Variants in TRHDE observed in about 807,000 individuals in gnomAD.
TRHDE encodes thyrotropin-releasing hormone-degrading ectoenzyme.
In TRHDE, 72 loss-of-function variants were observed where a neutral mutation model predicts 125.7. That is an observed-to-expected ratio of 0.57 (90% CI 0.47 to 0.70). The LOEUF (loss-of-function observed/expected upper bound fraction) is 0.70, where lower values mean the gene tolerates loss of function less well. Ranked by LOEUF, TRHDE falls within the 30% of genes least tolerant of loss-of-function variation. TRHDE has a pLI of 0.00. For synonymous variants in TRHDE, 509 were observed against 509.1 expected, an observed-to-expected ratio of 1.00 and a Z score of 0.00; for missense variants, 1,110 against 1,327.1, an observed-to-expected ratio of 0.84 and a Z score of 2.54.
At chr12:72,649,507 G>A (rs1592596044) in intron 15 of TRHDE, among the ~76,000 whole-genome samples, 1 of 151,966 alleles carries the variant, frequency 6.6e-6, no homozygotes, top group Non-Finnish European at 1.5e-5. Context: ...TCATGGATAT[G>A]ACATCAAAAG....
At chr12:72,589,613 G>A (rs1871585863) in intron 12 of TRHDE, among the ~76,000 whole-genome samples, 1 of 152,122 alleles carries the variant, frequency 6.6e-6, no homozygotes, top group African/African-American at 2.4e-5. Context: ...TTGGTATAGA[G>A]CTGTTCAAAT....
At chr12:72,152,564 A>G (rs986736731) in intron 2 of TRHDE, among the ~76,000 whole-genome samples, 2 of 152,206 alleles carry the variant, frequency 1.3e-5, no homozygotes, top group Non-Finnish European at 2.9e-5. Context: ...ATTTTGAGAT[A>G]CGTCCCATCA....
intron 1 of TRHDE, among the ~76,000 whole-genome samples, chr12:72,281,066 T>C (rs1335670030): frequency 6.6e-6 from 1 of 152,214 alleles, no homozygotes; most frequent in East Asian, 1.9e-4. Context: ...ACATAAATGG[T>C]GAAACAATTA....
chr12:72,192,930 T>C (rs573210119), intron 2 of TRHDE, among the ~76,000 whole-genome samples: 1 of 152,210 alleles, frequency 6.6e-6, no homozygotes, highest in East Asian at 1.9e-4. Context: ...TTTGTGAATA[T>C]TAGTTTATCA....
intron 2 of TRHDE, among the ~76,000 whole-genome samples, chr12:72,326,400 G>C (rs1437713759): frequency 2.0e-5 from 3 of 152,036 alleles, no homozygotes; most frequent in African/African-American, 7.2e-5. Context: ...AGCCTGTTGA[G>C]GGGCGCGGGG....
At chr12:72,559,173 A>C (rs1261782616) in intron 7 of TRHDE, among the ~76,000 whole-genome samples, 1 of 152,176 alleles carries the variant, frequency 6.6e-6, no homozygotes, top group Non-Finnish European at 1.5e-5. Flanking sequence ...TCAGTTTTCC[A>C]ACCTATAGCC....
chr12:72,262,646 T>A (rs1476128389), intron 2 of TRHDE: 1 of 152,134 alleles, frequency 6.6e-6, no homozygotes, highest in Non-Finnish European at 1.5e-5. Flanking sequence ...TATAAAGACA[T>A]ATATACACCC....
chr12:72,498,321 C>A (rs1057262877), intron 5 of TRHDE, among the ~76,000 whole-genome samples: 1 of 152,094 alleles, frequency 6.6e-6, no homozygotes, highest in Non-Finnish European at 1.5e-5. Flanking sequence ...CTTTTCTTGG[C>A]GTATTTTTTC....
At chr12:72,438,259 A>T (rs958933695) in intron 3 of TRHDE, among the ~76,000 whole-genome samples, 1 of 151,698 alleles carries the variant, frequency 6.6e-6, no homozygotes, top group Non-Finnish European at 1.5e-5. Context: ...TATATCTTTG[A>T]CCTATTGATG....
At position 72,272,668 on chromosome 12, in the gene TRHDE, G is replaced by T; in HGVS notation, c.25G>T (p.Glu9Ter). 7.9e-7 allele frequency: 1 copy of T among 1,261,866 alleles called. No individual in the cohort carries two copies. Among genetic ancestry groups the T allele is most frequent in the South Asian group, 1.6e-5 (1 of 62,960 alleles). 78.2% of individuals were successfully genotyped at this position (1,261,866 alleles called of 1,614,324 possible). The part of the protein sequence containing the change: MALDGELG[E>*]QEEEKKKKKK... Reference sequence around the variant, plus strand: ...GATGGCCCTGGACGGCGAGCTGGGGGAGCAAGAGGAGGAGAAGAAAAAGAA... The same window carrying T: ...GATGGCCCTGGACGGCGAGCTGGGGTAGCAAGAGGAGGAGAAGAAAAAGAA... Residue 9 changes from glutamate to a stop codon, truncating the protein, a stop_gained, in exon 1 of 19, where the codon GAG becomes TAG. Coordinates refer to ENST00000261180, the MANE Select transcript of TRHDE (RefSeq NM_013381.3). LOFTEE classifies it high-confidence loss of function. The surrounding 1 kb of genome is among the most constrained non-coding windows in gnomAD (Gnocchi z 6.7).
At chr12:72,656,696 T>C (rs1390020147) in intron 17 of TRHDE, among the ~76,000 whole-genome samples, 1 of 152,130 alleles carries the variant, frequency 6.6e-6, no homozygotes, top group African/African-American at 2.4e-5. Flanking sequence ...CAACTCAGAC[T>C]TCTCTGAAAC....
At chr12:72,202,364 A>G (rs1877577309) in intron 2 of TRHDE, among the ~76,000 whole-genome samples, 2 of 152,232 alleles carry the variant, frequency 1.3e-5, no homozygotes, top group Admixed American at 1.3e-4. Flanking sequence ...AGAAGTTTCA[A>G]TAATATGAAT....
chr12:72,339,991 G>A (rs752713343), intron 2 of TRHDE, among the ~76,000 whole-genome samples: 2 of 152,194 alleles, frequency 1.3e-5, no homozygotes, highest in Non-Finnish European at 2.9e-5. Context: ...AAACTTCATA[G>A]CCACACATCT....
chr12:72,669,439 T>C lies in TRHDE; in HGVS notation c.*6244T>C, dbSNP rs200041645. 12 of 151,970 alleles carry C rather than the reference T, an allele frequency of 7.9e-5. No homozygotes were observed. The highest frequency in any genetic ancestry group is 7.8e-4 in the East Asian group (4 of 5,154). 9.4% of individuals were successfully genotyped at this position (151,970 alleles called of 1,614,324 possible). A position where few individuals can be genotyped will look rare whatever the true frequency, so the allele number is the denominator to read the frequency against. On this transcript the variant is annotated 3_prime_UTR_variant, in exon 19 of 19. Transcript: ENST00000261180. ...ACTTATTTCTCATCACACACATTTT[T>C]CTTATGTCATATAAGTAAAGGAAAG...
At chr12:72,412,919 A>T (rs1873570964) in intron 3 of TRHDE, among the ~76,000 whole-genome samples, 1 of 151,988 alleles carries the variant, frequency 6.6e-6, no homozygotes, top group Non-Finnish European at 1.5e-5. Context: ...GATCACAAAT[A>T]TCAGGGTTGT....
At position 72,343,620 on chromosome 12, in the gene TRHDE, T is replaced by C. The variant is rs1202153099; in HGVS notation, c.1189-34375T>C. ...TGTTCTCTCCTGTTTATTATGCCAA[T>C]TGTTTATGTTTTCAGTGTTATTTGT... On this transcript the variant is annotated intron_variant, in intron 2 of 18. Coordinates refer to ENST00000261180, the MANE Select transcript of TRHDE (RefSeq NM_013381.3). 2.0e-5 allele frequency among the ~76,000 whole-genome samples: 3 copies of C among 152,172 alleles called. No individual in the cohort carries two copies. In the East Asian group the frequency reaches 5.8e-4, roughly 29 times the overall value.
At chr12:72,603,531 C>G (rs1397500589) in intron 12 of TRHDE, among the ~76,000 whole-genome samples, 1 of 152,062 alleles carries the variant, frequency 6.6e-6, no homozygotes, top group Non-Finnish European at 1.5e-5. Flanking sequence ...CGAGACCATC[C>G]TGGCTAACAT....
At chr12:72,648,028 A>G (rs1487478717) in intron 15 of TRHDE, among the ~76,000 whole-genome samples, 3 of 152,118 alleles carry the variant, frequency 2.0e-5, no homozygotes, top group African/African-American at 7.2e-5. Context: ...TGAAACCAAT[A>G]TTACATTAAG....
chr12:72,293,910 A>G (rs1382884886), intron 2 of TRHDE, among the ~76,000 whole-genome samples: 2 of 152,170 alleles, frequency 1.3e-5, no homozygotes, highest in Non-Finnish European at 2.9e-5. Context: ...TGTGTGAGTG[A>G]GCATGGGGTC....
Sources: allele counts gnomAD v4.1 joint callset (sites outside exome capture counted in the v4.1 genomes callset), GRCh38; gene constraint gnomAD v4.1.1; non-coding constraint Gnocchi (gnomAD v3.1); transcripts MANE v1.5; gene names NCBI Gene and HGNC (gene_info 2026-07-23, HGNC 2026-07-21).